The following KCNT2 variants were observed in gnomAD, a reference collection of about 807,000 sequenced individuals.
KCNT2 encodes the protein potassium sodium-activated channel subfamily T member 2, also known as potassium channel subfamily T member 2.
KCNT2 carries 67 observed loss-of-function variants against 153.8 expected under a neutral mutation model. The observed-to-expected ratio is 0.44, with a 90% CI of 0.36 to 0.53. KCNT2 has a LOEUF of 0.53. KCNT2 is among the 20% of genes least tolerant of loss of function. The pLI is 0.00. For synonymous variants in KCNT2, 500 were observed against 458.8 expected (o/e 1.09, Z -1.15); for missense variants, 975 against 1,354.8 (o/e 0.72, Z 4.40).
intron 12 of KCNT2, among the ~76,000 whole-genome samples, chr1:196,401,389 A>T (rs1671402859): frequency 6.6e-6 from 1 of 151,838 alleles, no homozygotes; most frequent in Non-Finnish European, 1.5e-5. Flanking sequence ...TAGCTACTAG[A>T]CAGTCTGAGA....
At chr1:196,268,992 TAAAG>T (rs1020178060) in intron 25 of KCNT2, among the ~76,000 whole-genome samples, 2 of 151,948 alleles carry the variant, frequency 1.3e-5, no homozygotes, top group African/African-American at 2.4e-5. Flanking sequence ...ATAATAATAA[TAAAG>T]AAATAATGCA....
intron 8 of KCNT2, among the ~76,000 whole-genome samples, chr1:196,458,840 G>T (rs1277882940): frequency 6.6e-6 from 1 of 151,852 alleles, no homozygotes; most frequent in Non-Finnish European, 1.5e-5. Context: ...TACTCCCTAT[G>T]AATCTCATTG....
At chr1:196,589,572 T>C (rs1663096648) in intron 1 of KCNT2, among the ~76,000 whole-genome samples, 1 of 152,102 alleles carries the variant, frequency 6.6e-6, no homozygotes, top group Non-Finnish European at 1.5e-5. Context: ...CCAATCCCTC[T>C]GAGGCCAGCC....
chr1:196,506,344 G>A (rs368458863), intron 1 of KCNT2, among the ~76,000 whole-genome samples: 2 of 152,046 alleles, frequency 1.3e-5, no homozygotes, highest in Non-Finnish European at 2.9e-5. Flanking sequence ...AATACAAAAC[G>A]TTCCTAAAAT....
At chr1:196,541,324 C>T (rs1656336924) in intron 1 of KCNT2, among the ~76,000 whole-genome samples, 1 of 151,924 alleles carries the variant, frequency 6.6e-6, no homozygotes, top group South Asian at 2.1e-4. Context: ...ATATAACTTG[C>T]TACAGAGTGA....
intron 22 of KCNT2, among the ~76,000 whole-genome samples, chr1:196,297,596 G>A (rs538791326): frequency 1.3e-5 from 2 of 152,088 alleles, no homozygotes; most frequent in African/African-American, 4.8e-5. Context: ...AGAATAGATT[G>A]AACAATGTTT....
chr1:196,382,284 T>G (rs1669578260), intron 13 of KCNT2, among the ~76,000 whole-genome samples: 2 of 151,652 alleles, frequency 1.3e-5, no homozygotes, highest in South Asian at 4.2e-4. Context: ...TTTTTTTGTA[T>G]TTTTAGTAGA....
At chr1:196,531,735 TC>T (rs1654968076) in intron 1 of KCNT2, among the ~76,000 whole-genome samples, 1 of 152,128 alleles carries the variant, frequency 6.6e-6, no homozygotes, top group Non-Finnish European at 1.5e-5. Flanking sequence ...AGTGATTATT[TC>T]AGCAGAATCT....
At chr1:196,295,707 T>C (rs1230706334) in intron 22 of KCNT2, among the ~76,000 whole-genome samples, 1 of 152,000 alleles carries the variant, frequency 6.6e-6, no homozygotes, top group African/African-American at 2.4e-5. Flanking sequence ...AATATTTTTA[T>C]TGAGCATACA....
intron 1 of KCNT2, among the ~76,000 whole-genome samples, chr1:196,582,772 A>G (rs1662219883): frequency 6.6e-6 from 1 of 152,100 alleles, no homozygotes; most frequent in Non-Finnish European, 1.5e-5. Context: ...CAGATGAACC[A>G]TGTCACCTGC....
rs570211182 is a variant in KCNT2, at chr1:196,339,506, G to GACAC, written c.1783+831_1783+834dup. ...TATGGTGCACACAGAGATATGAAGA[G>GACAC]ACACACACACACACAGAGAGAGAGA... is the stretch of plus-strand genomic sequence containing the variant. On this transcript the variant is annotated intron_variant, in intron 16 of 27. Coordinates refer to ENST00000294725, the MANE Select transcript of KCNT2 (RefSeq NM_198503.5). Among the ~76,000 whole-genome samples, 207 of 128,868 alleles carry GACAC rather than the reference G, an allele frequency of 1.6e-3. 3 individuals carry two copies. In the East Asian group the frequency reaches 0.025, roughly 16 times the overall value. 84.5% of individuals were successfully genotyped at this position (128,868 alleles called of 152,430 possible).
At chr1:196,272,247 A>G (rs1379338174) in intron 25 of KCNT2, among the ~76,000 whole-genome samples, 1 of 151,854 alleles carries the variant, frequency 6.6e-6, no homozygotes, top group Non-Finnish European at 1.5e-5. Flanking sequence ...AAAAATTTTT[A>G]TTTGAAATAG....
intron 25 of KCNT2, among the ~76,000 whole-genome samples, chr1:196,269,847 C>T (rs914222127): frequency 6.6e-6 from 1 of 151,990 alleles, no homozygotes; most frequent in Non-Finnish European, 1.5e-5. Flanking sequence ...ATAAATTTTC[C>T]AAATAACAAT....
chr1:196,548,060 G>A (rs931705700), intron 1 of KCNT2, among the ~76,000 whole-genome samples: 2 of 151,536 alleles, frequency 1.3e-5, no homozygotes, highest in Admixed American at 1.3e-4. Flanking sequence ...TAAATAAGTA[G>A]AACATTATAA....
At chr1:196,242,390 A>G (rs1655038883) in intron 26 of KCNT2, among the ~76,000 whole-genome samples, 1 of 152,088 alleles carries the variant, frequency 6.6e-6, no homozygotes, top group Non-Finnish European at 1.5e-5. Flanking sequence ...CATATTTATT[A>G]TATAATTTTA....
At chr1:196,455,651 C>T (rs1468745907) in intron 8 of KCNT2, among the ~76,000 whole-genome samples, 1 of 151,906 alleles carries the variant, frequency 6.6e-6, no homozygotes, top group Non-Finnish European at 1.5e-5. Flanking sequence ...TTTCCATGAG[C>T]AAGTCTATTT....
intron 13 of KCNT2, among the ~76,000 whole-genome samples, chr1:196,377,650 T>C (rs752599447): frequency 6.6e-5 from 10 of 152,016 alleles, no homozygotes; most frequent in African/African-American, 1.4e-4. Context: ...CTGATCACTT[T>C]GCAAGCAGAA....
intron 1 of KCNT2, among the ~76,000 whole-genome samples, chr1:196,576,090 A>ATG (rs1040428942): frequency 7.4e-5 from 11 of 148,440 alleles, no homozygotes; most frequent in African/African-American, 2.7e-4. Flanking sequence ...ATATATATAT[A>ATG]TGTGTGTGTG....
In KCNT2 at chr1:196,342,183, T is replaced by C; in HGVS notation, c.1449A>G (p.Arg483=). ...SPEQWQKMYG[R]CSGNEVYHIV... is the part of the protein sequence containing the mutation. The stretch of plus-strand genomic sequence containing the variant: ...TGTGGTAGACTTCATTCCCGGAGCA[T>C]CTACCGTACATCTTCTGCCATTGTT... Residue 483 remains arginine (R), a synonymous_variant, in exon 15 of 28, where the codon AGA becomes AGG. Coordinates refer to ENST00000294725, the MANE Select transcript of KCNT2 (RefSeq NM_198503.5). 1 of 1,611,834 alleles carries C rather than the reference T, an allele frequency of 6.2e-7. No individual in the cohort carries two copies. The highest frequency in any genetic ancestry group is 8.5e-7 in the Non-Finnish European group (1 of 1,179,104).
Sources: gnomAD v4.1 joint callset for allele counts (sites outside exome capture counted in the v4.1 genomes callset) on GRCh38, gnomAD v4.1.1 for gene constraint, MANE v1.5 for transcripts, NCBI Gene and HGNC (gene_info 2026-07-23, HGNC 2026-07-21) for gene names.